Variants in COL4A5 observed in about 807,000 individuals in gnomAD.
The protein encoded by COL4A5 is collagen alpha-5(IV) chain.
COL4A5 carries 26 observed loss-of-function variants against 130.2 expected under a neutral mutation model. The observed-to-expected ratio is 0.20, with a 90% CI of 0.15 to 0.28. The LOEUF is 0.28. Ranked by LOEUF, COL4A5 falls within the 10% of genes least tolerant of loss-of-function variation. The pLI is 1.00. For missense variants in COL4A5, 1,131 were observed against 1,344.3 expected (o/e 0.84, Z 2.48); for synonymous variants, 496 against 439.6 (o/e 1.13, Z -1.60).
rs188915533 is a variant in COL4A5 at position 108,585,403 on chromosome X, C to T, written c.1032+878C>T. ...TTATTCACTTTCATTTTAAAATCAG[C>T]TTCAGTCCTCTAGGAAATAATCTCT... On this transcript the variant is annotated intron_variant, in intron 18 of 52. Coordinates refer to ENST00000328300, the MANE Select transcript of COL4A5 (RefSeq NM_033380.3). Among the ~76,000 whole-genome samples the T allele has an allele frequency of 4.2e-3, 473 of 111,758 alleles. 3 individuals carry two copies. The highest frequency in any genetic ancestry group is 0.037 in the Middle Eastern group (8 of 218).
intron 36 of COL4A5, among the ~76,000 whole-genome samples, chrX:108,632,813 A>G (rs757484801): frequency 7.1e-5 from 8 of 112,073 alleles, no homozygotes; most frequent in African/African-American, 2.6e-4. Context: ...TAAACTAGGT[A>G]TTGATGGAAC....
At chrX:108,616,567 C>G (rs1266747048) in intron 30 of COL4A5, among the ~76,000 whole-genome samples, 4 of 111,184 alleles carry the variant, frequency 3.6e-5, no homozygotes, top group African/African-American at 1.3e-4. Flanking sequence ...ATAAAATGAA[C>G]TTATCACTCC....
At chrX:108,484,056 C>G (rs1402826424) in intron 1 of COL4A5, among the ~76,000 whole-genome samples, 1 of 111,828 alleles carries the variant, frequency 8.9e-6, no homozygotes, top group Admixed American at 9.5e-5. Context: ...TTCTTTCAGT[C>G]TTTGGGTTTT....
At chrX:108,573,424 A>G in intron 8 of COL4A5, 150 bp from the exon 9 acceptor site, 1 of 516,440 alleles carries the variant, frequency 1.9e-6, no homozygotes, top group Non-Finnish European at 3.5e-6. Flanking sequence ...TTTTCCTTTA[A>G]AAGGTAAACT....
chrX:108,674,043 A>T (rs1214737995), intron 42 of COL4A5, among the ~76,000 whole-genome samples: 2 of 108,521 alleles, frequency 1.8e-5, no homozygotes, highest in Non-Finnish European at 3.8e-5. Context: ...CTCTGTCCAA[A>T]TAATAATAAT....
intron 22 of COL4A5, 138 bp downstream of exon 22, chrX:108,595,739 A>T: frequency 2.1e-6 from 1 of 473,774 alleles, no homozygotes. Context: ...AAATGCCTCC[A>T]TTTGTTATCA....
intron 1 of COL4A5, among the ~76,000 whole-genome samples, chrX:108,476,995 G>A (rs1305436742): frequency 9.0e-6 from 1 of 111,625 alleles, no homozygotes; most frequent in Non-Finnish European, 1.9e-5. Context: ...GAAGCATACA[G>A]CATGGGAGAA....
intron 2 of COL4A5, among the ~76,000 whole-genome samples, chrX:108,547,374 C>T (rs1279165987): frequency 8.9e-6 from 1 of 111,989 alleles, no homozygotes; most frequent in Admixed American, 9.5e-5. Flanking sequence ...CGGAGGTCCA[C>T]TCCAGACCCT....
chrX:108,598,920 T>C (rs758660899), intron 25 of COL4A5, 50 bp downstream of exon 25: 2 of 1,163,024 alleles, frequency 1.7e-6, no homozygotes, highest in Non-Finnish European at 1.2e-6. Flanking sequence ...AACAGAAATT[T>C]ATTATGTTTT....
intron 1 of COL4A5, among the ~76,000 whole-genome samples, chrX:108,508,557 CAAAAAAAAAA>C (rs1182036182): frequency 3.9e-4 from 15 of 38,181 alleles, no homozygotes; most frequent in African/African-American, 1.7e-3. Flanking sequence ...CATGTAGGAC[CAAAAAAAAAA>C]AAAAAAAAAA....
At chrX:108,489,793 C>T (rs1325377941) in intron 1 of COL4A5, among the ~76,000 whole-genome samples, 1 of 111,312 alleles carries the variant, frequency 9.0e-6, no homozygotes, top group African/African-American at 3.3e-5. Flanking sequence ...CACTTTAGTG[C>T]GGGATGTTAT....
intron 42 of COL4A5, 54 bp downstream of exon 42, chrX:108,670,290 C>A: frequency 8.3e-7 from 1 of 1,202,473 alleles, no homozygotes; most frequent in South Asian, 1.8e-5. Context: ...ACTTATATAC[C>A]TGTACCAAAT....
chrX:108,562,316 A>C (rs765759758), intron 3 of COL4A5, among the ~76,000 whole-genome samples: 40 of 112,095 alleles, frequency 3.6e-4, no homozygotes, highest in Non-Finnish European at 6.9e-4. Context: ...AAGTTAAGCT[A>C]CAGGAAAAGT....
chrX:108,463,106 T>C (rs1026957161), intron 1 of COL4A5: 13 of 112,022 alleles, frequency 1.2e-4, no homozygotes, highest in African/African-American at 3.9e-4. Flanking sequence ...CAAAACTCTT[T>C]AGATAAATTG....
At chrX:108,595,241 C>T (rs1485524259) in intron 21 of COL4A5, among the ~76,000 whole-genome samples, 4 of 111,613 alleles carry the variant, frequency 3.6e-5, no homozygotes, top group Non-Finnish European at 7.5e-5. Flanking sequence ...ATCCCTTTCC[C>T]CTGGTAGAGT....
At chrX:108,567,313 T>C (rs1482359439) in intron 4 of COL4A5, among the ~76,000 whole-genome samples, 3 of 112,016 alleles carry the variant, frequency 2.7e-5, no homozygotes, top group Non-Finnish European at 3.8e-5. Context: ...TCCAATTTAT[T>C]TTTCATTTTT....
At chrX:108,583,079 C>A in intron 17 of COL4A5, 142 bp downstream of exon 17, 2 of 509,638 alleles carry the variant, frequency 3.9e-6, no homozygotes, top group Non-Finnish European at 6.8e-6. Context: ...TCATCTTTTG[C>A]TCATTTTTCT....
intron 2 of COL4A5, among the ~76,000 whole-genome samples, chrX:108,553,113 A>T (rs182037299): frequency 2.5e-4 from 28 of 111,808 alleles, no homozygotes; most frequent in Admixed American, 7.6e-4. Context: ...TAGATGTAAA[A>T]TCTAAACCTT....
intron 19 of COL4A5, among the ~76,000 whole-genome samples, chrX:108,587,372 A>G (rs1433382660): frequency 2.7e-5 from 3 of 110,354 alleles, no homozygotes; most frequent in Non-Finnish European, 3.8e-5. Flanking sequence ...ATGCATTTGT[A>G]TTTGCCTTTC....
Sources: allele counts gnomAD v4.1 joint callset (sites outside exome capture counted in the v4.1 genomes callset), GRCh38; gene constraint gnomAD v4.1.1; transcripts MANE v1.5; gene names NCBI Gene and HGNC (gene_info 2026-07-23, HGNC 2026-07-21).